The following ZHX3 variants were observed in gnomAD, a reference collection of about 807,000 sequenced individuals.
ZHX3 encodes the protein zinc fingers and homeoboxes protein 3.
ZHX3 carries 20 observed loss-of-function variants against 64.5 expected under a neutral mutation model. That is an observed-to-expected ratio of 0.31 (90% CI 0.22 to 0.45). The LOEUF is 0.45. ZHX3 is among the 20% of genes least tolerant of loss of function. The pLI is 1.00. For missense variants in ZHX3, 1,041 were observed against 1,195.8 expected (o/e 0.87, Z 1.91); for synonymous variants, 423 against 461.6 (o/e 0.92, Z 1.07).
intron 3 of ZHX3, among the ~76,000 whole-genome samples, chr20:41,186,417 C>T (rs1288762989): frequency 3.9e-5 from 6 of 152,140 alleles, no homozygotes; most frequent in African/African-American, 9.7e-5. Flanking sequence ...TACTTGTTTC[C>T]GCCTTTTGGC....
chr20:41,257,443 A>C (rs2042317257), intron 2 of ZHX3, among the ~76,000 whole-genome samples: 1 of 152,220 alleles, frequency 6.6e-6, no homozygotes, highest in African/African-American at 2.4e-5. Context: ...CACTGTGGAC[A>C]GTCATCATTC....
At chr20:41,256,025 A>C (rs2042233025) in intron 2 of ZHX3, among the ~76,000 whole-genome samples, 2 of 152,226 alleles carry the variant, frequency 1.3e-5, no homozygotes, top group Non-Finnish European at 2.9e-5. Flanking sequence ...AAATTATGTA[A>C]ATTAAATATA....
At chr20:41,265,404 G>A (rs1019088969) in intron 2 of ZHX3, among the ~76,000 whole-genome samples, 1 of 152,082 alleles carries the variant, frequency 6.6e-6, no homozygotes, top group Non-Finnish European at 1.5e-5. Context: ...GTTTCTCCAT[G>A]TTGGTCAGGC....
rs950640778 is a variant in ZHX3, at chr20:41,201,828, G to A, written c.2860+229C>T. Among the ~76,000 whole-genome samples, 7 of 152,098 alleles carry A rather than the reference G, an allele frequency of 4.6e-5. No homozygotes were observed. Among genetic ancestry groups the A allele is most frequent in the Admixed American group, 3.3e-4 (5 of 15,264 alleles). On this transcript the variant is annotated intron_variant, in intron 3 of 3. Coordinates refer to ENST00000683867, the MANE Select transcript of ZHX3 (RefSeq NM_001384317.1). This position sits in a 1 kb window ranked among gnomAD's most constrained non-coding sequence, Gnocchi z 5.0. ...AGGGTCACCATGTTCCTTCCCCTGC[G>A]CAGGTTTTTAAAAACACATGAAACA...
chr20:41,296,449 C>T (rs1418699505), intron 1 of ZHX3, among the ~76,000 whole-genome samples: 2 of 152,090 alleles, frequency 1.3e-5, no homozygotes, highest in Non-Finnish European at 2.9e-5. Context: ...CTCAAGTTTT[C>T]CACATCTATA....
At chr20:41,306,218 G>A (rs988809926) in intron 1 of ZHX3, among the ~76,000 whole-genome samples, 5 of 152,192 alleles carry the variant, frequency 3.3e-5, no homozygotes, top group Admixed American at 2.6e-4. Flanking sequence ...CCACAGAGAA[G>A]TGAAAATACT....
At chr20:41,263,618 C>T (rs1301648939) in intron 2 of ZHX3, among the ~76,000 whole-genome samples, 2 of 152,120 alleles carry the variant, frequency 1.3e-5, no homozygotes, top group East Asian at 1.9e-4. Flanking sequence ...AGGCTGGTCA[C>T]GAACTCCTGA....
At chr20:41,194,787 C>G (rs1039296489) in intron 3 of ZHX3, among the ~76,000 whole-genome samples, 10 of 152,078 alleles carry the variant, frequency 6.6e-5, no homozygotes, top group African/African-American at 2.2e-4. Context: ...TGGGAGAGTG[C>G]GGGTTTCTAG....
At chr20:41,197,415 T>C (rs1211796567) in intron 3 of ZHX3, among the ~76,000 whole-genome samples, 2 of 147,616 alleles carry the variant, frequency 1.4e-5, no homozygotes, top group East Asian at 3.9e-4. Flanking sequence ...TAATTGTATA[T>C]ATTTAAAATA....
chr20:41,197,999 CTTTTTTTT>C (rs11478855), intron 3 of ZHX3, among the ~76,000 whole-genome samples: 1 of 110,396 alleles, frequency 9.1e-6, no homozygotes, highest in Non-Finnish European at 1.7e-5. Flanking sequence ...AACTAGTGCT[CTTTTTTTT>C]TTTTTTTTTT....
At chr20:41,217,104 C>T (rs576513380) in intron 2 of ZHX3, among the ~76,000 whole-genome samples, 15 of 152,132 alleles carry the variant, frequency 9.9e-5, no homozygotes, top group Non-Finnish European at 1.8e-4. Flanking sequence ...TGGAGCCCAT[C>T]TACCACAGGA....
chr20:41,235,235 G>C (rs1332969752), intron 2 of ZHX3, among the ~76,000 whole-genome samples: 1 of 152,014 alleles, frequency 6.6e-6, no homozygotes, highest in East Asian at 1.9e-4. Flanking sequence ...GCTGTGTATA[G>C]CTAAAAAACA....
At chr20:41,266,568 T>A (rs2042862109) in intron 2 of ZHX3, among the ~76,000 whole-genome samples, 1 of 147,992 alleles carries the variant, frequency 6.8e-6, no homozygotes, top group Non-Finnish European at 1.5e-5. Flanking sequence ...TTTTTTTAGA[T>A]GGAGTCTTGT....
intron 2 of ZHX3, among the ~76,000 whole-genome samples, chr20:41,209,082 C>T: frequency 6.6e-6 from 1 of 152,126 alleles, no homozygotes; most frequent in East Asian, 1.9e-4. Flanking sequence ...GAGTGAACTC[C>T]CATTCACGAT....
At chr20:41,303,392 A>G (rs1032546035) in intron 1 of ZHX3, among the ~76,000 whole-genome samples, 2 of 152,244 alleles carry the variant, frequency 1.3e-5, no homozygotes, top group Non-Finnish European at 2.9e-5. Flanking sequence ...CTTTTATTCA[A>G]AACACAATGA....
chr20:41,253,426 C>T (rs1159784338), intron 2 of ZHX3, among the ~76,000 whole-genome samples: 3 of 152,026 alleles, frequency 2.0e-5, no homozygotes, highest in African/African-American at 4.8e-5. Flanking sequence ...AATATTCCTA[C>T]CTTGGTTTCT....
In ZHX3 at chr20:41,288,871, T is replaced by C. The variant is rs868183648; in HGVS notation, c.-244-19788A>G. Among the ~76,000 whole-genome samples, 3 of 152,256 alleles carry C rather than the reference T, an allele frequency of 2.0e-5. No individual in the cohort carries two copies. In the South Asian group the frequency reaches 6.2e-4, roughly 32 times the overall value. On this transcript the variant is annotated intron_variant, in intron 1 of 3. Transcript: ENST00000683867. Reference sequence around the variant, plus strand: ...TTTCAGGACTCTATAATTTCATTCATTTAATTGTATGTGTTTTGCAATTAT... The same window carrying C: ...TTTCAGGACTCTATAATTTCATTCACTTAATTGTATGTGTTTTGCAATTAT...
chr20:41,206,229 T>G (rs2038701220), intron 2 of ZHX3, among the ~76,000 whole-genome samples: 1 of 152,130 alleles, frequency 6.6e-6, no homozygotes, highest in Admixed American at 6.5e-5. Flanking sequence ...ATTCTAAAAA[T>G]CAGAGTGCCT....
intron 2 of ZHX3, among the ~76,000 whole-genome samples, chr20:41,221,313 T>A (rs1487284454): frequency 6.6e-6 from 1 of 152,198 alleles, no homozygotes; most frequent in East Asian, 1.9e-4. Flanking sequence ...AATGTGAGAT[T>A]CCCCTGAAAA....
Sources: gnomAD v4.1 joint callset for allele counts (sites outside exome capture counted in the v4.1 genomes callset) on GRCh38, gnomAD v4.1.1 for gene constraint, Gnocchi (gnomAD v3.1) non-coding constraint, MANE v1.5 for transcripts, NCBI Gene and HGNC (gene_info 2026-07-23, HGNC 2026-07-21) for gene names.